Variants in ZNF688 observed in about 807,000 individuals in gnomAD.
ZNF688 encodes zinc finger protein 688.
In ZNF688, 10 loss-of-function variants were observed where a neutral mutation model predicts 13.2. The observed-to-expected ratio is 0.76, with a 90% CI of 0.47 to 1.28. ZNF688 has a LOEUF of 1.28. ZNF688 is among the 50% of genes most tolerant of loss of function. ZNF688 has a pLI of 0.00. For missense variants in ZNF688, 381 were observed against 391.4 expected (o/e 0.97, Z 0.22); for synonymous variants, 160 against 159.4 (o/e 1.00, Z -0.03).
chr16:30,572,329 CG>C, upstream of ZNF688: 1 of 1,388,502 alleles, frequency 7.2e-7, no homozygotes, highest in East Asian at 2.7e-5. Flanking sequence ...CTCCCGATGG[CG>C]GGAGCTGGAA....
upstream of ZNF688, among the ~76,000 whole-genome samples, chr16:30,574,311 C>G (rs2051726298): frequency 6.6e-6 from 1 of 152,026 alleles, no homozygotes; most frequent in Non-Finnish European, 1.5e-5. Context: ...TTTGGGAGGC[C>G]AAGGCGGGAG....
At chr16:30,571,953 A>C, upstream of ZNF688, 2 of 1,300,298 alleles carry the variant, frequency 1.5e-6, no homozygotes, top group Non-Finnish European at 2.0e-6. Flanking sequence ...CCATTATTTG[A>C]CCATATCAAA....
chr16:30,573,601 G>A (rs2051717946), upstream of ZNF688: 1 of 161,530 alleles, frequency 6.2e-6, no homozygotes, highest in Admixed American at 6.5e-5. Flanking sequence ...TTCTGGCTCT[G>A]GATCTACTTG....
chr16:30,572,258 C>T (rs774098257), upstream of ZNF688: 4 of 1,553,296 alleles, frequency 2.6e-6, no homozygotes, highest in South Asian at 1.2e-5. Context: ...GACTGGAGCG[C>T]AGCGGAGACC....
chr16:30,574,917 T>A (rs1024900322), upstream of ZNF688, among the ~76,000 whole-genome samples: 6 of 152,180 alleles, frequency 3.9e-5, no homozygotes, highest in African/African-American at 1.4e-4. Context: ...TCTACCTCCA[T>A]GAGATCAACT....
At chr16:30,578,101 G>A in the ZNF688 span, among the ~76,000 whole-genome samples, 1 of 152,290 alleles carries the variant, frequency 6.6e-6, no homozygotes, top group East Asian at 1.9e-4. Context: ...CACTTTGGGA[G>A]GCTCAGATAG....
intron 1 of ZNF688, 34 bp downstream of exon 1, chr16:30,571,400 G>T: frequency 1.3e-6 from 2 of 1,546,556 alleles, no homozygotes; most frequent in South Asian, 2.4e-5. Flanking sequence ...TGAACCCGGT[G>T]AAGGAGGAGG....
upstream of ZNF688, among the ~76,000 whole-genome samples, chr16:30,574,344 G>C (rs1185552550): frequency 6.6e-6 from 1 of 151,948 alleles, no homozygotes; most frequent in Non-Finnish European, 1.5e-5. Context: ...TCAGGAGTTC[G>C]AGACCAGCCT....
At position 30,570,248 on chromosome 16, in the gene ZNF688, G is replaced by T. The variant is rs1294482839; in HGVS notation, c.499C>A (p.Pro167Thr). ...AAWDPTTGAQ[P>T]PAPIPSMDAQ... ...TCCATGCTGGGTATGGGTGCCGGGG[G>T]CTGTGCTCCTGTGGTCGGGTCCCAG... Residue 167 changes from proline (P) to threonine (T), a missense_variant, in exon 3 of 3, where the codon CCC becomes ACC. Coordinates refer to ENST00000223459, the MANE Select transcript of ZNF688 (RefSeq NM_145271.4). 6.2e-7 allele frequency: 1 copy of T among 1,613,568 alleles called. No homozygotes were observed. The highest frequency in any genetic ancestry group is 8.5e-7 in the Non-Finnish European group (1 of 1,179,892).
intron 1 of ZNF688, 92 bp downstream of exon 1, chr16:30,571,342 G>A (rs1028237705): frequency 6.5e-7 from 1 of 1,534,596 alleles, no homozygotes; most frequent in Non-Finnish European, 8.8e-7. Flanking sequence ...GCAAGAGTGC[G>A]GGATTAGGGC....
upstream of ZNF688, among the ~76,000 whole-genome samples, chr16:30,577,264 T>C (rs2051755197): frequency 6.6e-6 from 1 of 152,168 alleles, no homozygotes; most frequent in Non-Finnish European, 1.5e-5. Context: ...GAACCAAAAA[T>C]ACTTTTGTTT....
upstream of ZNF688, among the ~76,000 whole-genome samples, chr16:30,576,268 G>A (rs995178169): frequency 2.0e-5 from 3 of 152,228 alleles, no homozygotes; most frequent in African/African-American, 7.2e-5. Flanking sequence ...CTGGAGTGCA[G>A]TGGCGCGATC....
Position 30,571,088 on chromosome 16 carries a change from T to G in ZNF688, c.232A>C (p.Met78Leu). ...CTCCAAGCCTCACTCTCCTGTTCCA[T>G]CCAAGAGATGAGGGCTGGTTTGGGG... ...PGPKPALISW[M>L]EQESEAWSPA... Residue 78 changes from methionine (M) to leucine (L), a missense_variant, in exon 2 of 3, where the codon ATG becomes CTG. Transcript: ENST00000223459. 1 of 1,597,770 alleles carries G rather than the reference T, an allele frequency of 6.3e-7. No individual in the cohort carries two copies. Among genetic ancestry groups the G allele is most frequent in the Non-Finnish European group, 8.5e-7 (1 of 1,172,960 alleles).
chr16:30,572,452 C>G, upstream of ZNF688: 1 of 581,354 alleles, frequency 1.7e-6, no homozygotes, highest in Non-Finnish European at 2.6e-6. Context: ...GTCCACCCAG[C>G]CCCTGGCATC....
Position 30,570,192 on chromosome 16 carries a change from G to A in ZNF688, c.555C>T (p.Cys185=), listed in dbSNP as rs2051648905. 2 of 1,611,780 alleles carry A rather than the reference G, an allele frequency of 1.2e-6. No homozygotes were observed. The highest frequency in any genetic ancestry group is 1.7e-6 in the Non-Finnish European group (2 of 1,179,328). Residue 185 remains cysteine, a synonymous_variant, in exon 3 of 3, where the codon TGC becomes TGT. Transcript: ENST00000223459. ...AGGTGAAGCGGCGGCCGCAGTCCGT[G>A]CACACGTGGCGCCGCTGGCCGGCCT... The part of the protein sequence containing the change: ...DAQAGQRRHV[C]TDCGRRFTYP...
chr16:30,579,845 G>A, the ZNF688 span: 2 of 455,862 alleles, frequency 4.4e-6, no homozygotes, highest in African/African-American at 2.0e-5. Flanking sequence ...AGGGCTAGCA[G>A]ATCTAAATGG....
At position 30,571,422 on chromosome 16, in the gene ZNF688, CG is replaced by C. The variant is rs764347369; in HGVS notation, c.196+11del. The C allele has an allele frequency of 1.9e-6, 3 of 1,557,368 alleles. No homozygotes were observed. Among genetic ancestry groups the C allele is most frequent in the Non-Finnish European group, 2.6e-6 (3 of 1,151,292 alleles). On this transcript the variant is annotated intron_variant, in intron 1 of 2. Transcript: ENST00000223459. The stretch of plus-strand genomic sequence containing the variant: ...GGTGAAGGAGGAGGGGGCTCGGACC[CG>C]GGGCTCTCACCGAGCGCGCCCAGGT...
At position 30,570,198 on chromosome 16, in the gene ZNF688, G is replaced by A; in HGVS notation, c.549C>T (p.His183=). The A allele has an allele frequency of 9.3e-6, 15 of 1,611,986 alleles. No individual in the cohort carries two copies. The highest frequency in any genetic ancestry group is 1.3e-5 in the Non-Finnish European group (15 of 1,179,354). ...SMDAQAGQRR[H]VCTDCGRRFT... is the part of the protein sequence containing the mutation. Reference sequence around the variant, plus strand: ...AGCGGCGGCCGCAGTCCGTGCACACGTGGCGCCGCTGGCCGGCCTGAGCAT... The same window carrying A: ...AGCGGCGGCCGCAGTCCGTGCACACATGGCGCCGCTGGCCGGCCTGAGCAT... Residue 183 remains histidine (H), a synonymous_variant, in exon 3 of 3, where the codon CAC becomes CAT. Coordinates refer to ENST00000223459, the MANE Select transcript of ZNF688 (RefSeq NM_145271.4).
upstream of ZNF688, among the ~76,000 whole-genome samples, chr16:30,577,685 G>GTT (rs755631953): frequency 1.2e-4 from 15 of 129,916 alleles, no homozygotes; most frequent in South Asian, 1.3e-3. Flanking sequence ...CCGGCCTGTG[G>GTT]TTTTTTTTTT....
Sources: gnomAD v4.1 joint callset for allele counts (sites outside exome capture counted in the v4.1 genomes callset) on GRCh38, gnomAD v4.1.1 for gene constraint, MANE v1.5 for transcripts, NCBI Gene and HGNC (gene_info 2026-07-23, HGNC 2026-07-21) for gene names.